Variants in GNAS observed in about 807,000 individuals in gnomAD.
GNAS encodes GNAS complex locus.
A neutral mutation model predicts 54.5 loss-of-function variants in GNAS; 8 were observed. The observed-to-expected ratio is 0.15, with a 90% CI of 0.09 to 0.26. The LOEUF is 0.26. Among genes scored for constraint, GNAS ranks in the 10% least tolerant of loss-of-function variants. The pLI is 1.00. For synonymous variants in GNAS, 204 were observed against 191.4 expected, an observed-to-expected ratio of 1.07 and a Z score of -0.54; for missense variants, 170 against 529.8, an observed-to-expected ratio of 0.32 and a Z score of 6.67.
At position 58,909,745 on chromosome 20, in the gene GNAS, C is replaced by T. The variant is rs775536365; in HGVS notation, c.780C>T (p.Asp260=). The T allele has an allele frequency of 1.9e-6, 3 of 1,613,762 alleles. No homozygotes were observed. The highest frequency in any genetic ancestry group is 2.2e-5 in the South Asian group (2 of 91,088). The change falls in exon 10 of 13, where the codon GAC becomes GAT. Residue 260 remains aspartate, a synonymous_variant. Coordinates refer to ENST00000371085, the MANE Select transcript of GNAS (RefSeq NM_000516.7). The surrounding 1 kb of genome is among the most constrained non-coding windows in gnomAD (Gnocchi z 7.3). Reference sequence around the variant, plus strand: ...GCTACAACATGGTCATCCGGGAGGACAACCAGACCAACCGCCTGCAGGAGG... The same window carrying T: ...GCTACAACATGGTCATCCGGGAGGATAACCAGACCAACCGCCTGCAGGAGG... ...SSSYNMVIRE[D]NQTNRLQEAL...
intron 1 of GNAS, among the ~76,000 whole-genome samples, chr20:58,885,194 T>TG (rs1209188215): frequency 6.6e-6 from 1 of 152,168 alleles, no homozygotes; most frequent in Non-Finnish European, 1.5e-5. Flanking sequence ...ACTGATGGCC[T>TG]GGGGAATTGG....
In GNAS at chr20:58,873,146, G is replaced by C. The variant is rs2087577438; in HGVS notation, c.44-22466G>C. 6.6e-6 allele frequency among the ~76,000 whole-genome samples: 1 copy of C among 152,150 alleles called. No individual in the cohort carries two copies. Among genetic ancestry groups the C allele is most frequent in the Non-Finnish European group, 1.5e-5 (1 of 68,038 alleles). On this transcript the variant is annotated intron_variant, in intron 1 of 12. Coordinates refer to the GNAS transcript ENST00000306090. This position sits in a 1 kb window ranked among gnomAD's most constrained non-coding sequence, Gnocchi z 4.3. ...GACTTAGCAAAATGGCTGATTAGGG[G>C]CCAGTGTTGGGGAAAATAATTGCTG...
In GNAS at chr20:58,891,970, A is replaced by C. The variant is rs1176795787; in HGVS notation, c.139+105A>C. 4.0e-6 allele frequency: 3 copies of C among 748,722 alleles called. No individual in the cohort carries two copies. The African/African-American group carries it at 5.9e-5, about 15-fold the overall frequency. The allele number at this position is 748,722 out of a possible 1,614,324, so 46.4% of individuals were successfully genotyped here. On this transcript the variant is annotated intron_variant, in intron 1 of 12. Transcript: ENST00000371085. Reference sequence around the variant, plus strand: ...CCCCCGCCCCGGGCGCGCGCTCCCGAGCCCCCCGCCCGTTCGCGGGCTCTG... The same window carrying C: ...CCCCCGCCCCGGGCGCGCGCTCCCGCGCCCCCCGCCCGTTCGCGGGCTCTG...
intron 2 of GNAS, 115 bp downstream of exon 2, chr20:58,895,799 T>C (rs1005700136): frequency 1.4e-6 from 1 of 731,154 alleles, no homozygotes; most frequent in Middle Eastern, 2.3e-4. Context: ...ACTTAATTTT[T>C]CCTGATTTAC....
intron 6 of GNAS, among the ~76,000 whole-genome samples, chr20:58,907,183 G>A (rs909080358): frequency 6.6e-6 from 1 of 152,102 alleles, no homozygotes; most frequent in South Asian, 2.1e-4. Flanking sequence ...TAGGGTCTGC[G>A]CAATCTATCA....
intron 1 of GNAS, among the ~76,000 whole-genome samples, chr20:58,883,420 G>A (rs531482354): frequency 2.6e-4 from 39 of 152,278 alleles, no homozygotes; most frequent in South Asian, 1.5e-3. Context: ...AGTATTGGGC[G>A]GCGTGACAGA....
chr20:58,909,095 G>A lies in GNAS; in HGVS notation c.531-67G>A. ...TCCGTTGAGCCTGACCTTGTAGAGA[G>A]ACACAAATAGTTGGCAAATTGATGT... On this transcript the variant is annotated intron_variant, in intron 6 of 12. Transcript: ENST00000371085. This position sits in a 1 kb window ranked among gnomAD's most constrained non-coding sequence, Gnocchi z 7.3. 1.5e-6 allele frequency: 2 copies of A among 1,339,022 alleles called. No individual in the cohort carries two copies. Among genetic ancestry groups the A allele is most frequent in the Non-Finnish European group, 2.2e-6 (2 of 929,342 alleles). 82.9% of individuals were successfully genotyped at this position (1,339,022 alleles called of 1,614,324 possible). A position where few individuals can be genotyped will look rare whatever the true frequency, so the allele number is the denominator to read the frequency against.
rs2086518111 is a variant in GNAS, at chr20:58,856,477, G to A, written c.43+15591G>A. On this transcript the variant is annotated intron_variant, in intron 1 of 12. Transcript: ENST00000306090. The surrounding 1 kb of genome is among the most constrained non-coding windows in gnomAD (Gnocchi z 4.2). The stretch of plus-strand genomic sequence containing the variant: ...GGAGGGGCTTGGTTTAAAAAGATGG[G>A]GGTTATGTGTTGTGAGTGGAATGTC... 6.6e-6 allele frequency: 1 copy of A among 152,600 alleles called. No individual in the cohort carries two copies. Among genetic ancestry groups the A allele is most frequent in the Non-Finnish European group, 1.5e-5 (1 of 68,048 alleles). 9.5% of individuals were successfully genotyped at this position (152,600 alleles called of 1,614,324 possible). A position where few individuals can be genotyped will look rare whatever the true frequency, so the allele number is the denominator to read the frequency against.
chr20:58,891,968 C>T, intron 1 of GNAS, 103 bp downstream of exon 1: 10 of 775,992 alleles, frequency 1.3e-5, no homozygotes, highest in Non-Finnish European at 1.6e-5. Context: ...CGCGCGCTCC[C>T]GAGCCCCCCG....
intron 1 of GNAS, chr20:58,892,296 C>A: frequency 2.0e-6 from 1 of 497,350 alleles, no homozygotes; most frequent in Non-Finnish European, 2.5e-6. Context: ...AACCGGGTGG[C>A]GGGTAGAGGG....
Position 58,903,666 on chromosome 20 carries a change from T to C in GNAS, c.313-6T>C. On this transcript the variant is annotated splice_region_variant and splice_polypyrimidine_tract_variant and intron_variant, in intron 4 of 12. Coordinates refer to ENST00000371085, the MANE Select transcript of GNAS (RefSeq NM_000516.7). ...TTCCCTGACCGCTTTGCTAAATCAT[T>C]TTCAGACCATTGTGGCCGCCATGAG... 1 of 1,614,078 alleles carries C rather than the reference T, an allele frequency of 6.2e-7. No individual in the cohort carries two copies. The highest frequency in any genetic ancestry group is 8.5e-7 in the Non-Finnish European group (1 of 1,180,000).
At chr20:58,854,895 C>T (rs752002435) in intron 1 of GNAS, 1 of 1,593,728 alleles carries the variant, frequency 6.3e-7, no homozygotes, top group Non-Finnish European at 8.5e-7. Context: ...GCCTACTCCG[C>T]GGCCTACTCG....
chr20:58,903,612 G>C (rs2090835323), intron 4 of GNAS, 27 bp downstream of exon 4: 1 of 1,614,098 alleles, frequency 6.2e-7, no homozygotes, highest in Non-Finnish European at 8.5e-7. Context: ...TGTGCTGTCT[G>C]TCTTGTAGCG....
At chr20:58,850,859 C>A in intron 1 of GNAS, 1 of 398,904 alleles carries the variant, frequency 2.5e-6, no homozygotes, top group Non-Finnish European at 4.4e-6. Context: ...GGCTTCCAAC[C>A]ACCCCAGCAG....
chr20:58,882,195 A>G (rs1356545145), intron 1 of GNAS, among the ~76,000 whole-genome samples: 1 of 152,168 alleles, frequency 6.6e-6, no homozygotes, highest in East Asian at 1.9e-4. Context: ...CAGCCTCCCG[A>G]GTAGCTGGGA....
intron 1 of GNAS, among the ~76,000 whole-genome samples, chr20:58,893,281 A>G (rs1293287468): frequency 1.3e-5 from 2 of 152,210 alleles, no homozygotes; most frequent in African/African-American, 2.4e-5. Flanking sequence ...AAGGTTAACT[A>G]TAAGGAGATG....
At chr20:58,896,174 A>G (rs888015468) in intron 2 of GNAS, among the ~76,000 whole-genome samples, 1 of 152,224 alleles carries the variant, frequency 6.6e-6, no homozygotes, top group Admixed American at 6.5e-5. Context: ...TTGTTTCCAT[A>G]ATATTCTCAC....
rs780694738 is a variant in GNAS, at chr20:58,857,212, T to C, written c.43+16326T>C. 1 of 152,244 alleles carries C rather than the reference T, an allele frequency of 6.6e-6. No homozygotes were observed. Among genetic ancestry groups the C allele is most frequent in the African/African-American group, 2.4e-5 (1 of 41,454 alleles). 9.4% of individuals were successfully genotyped at this position (152,244 alleles called of 1,614,324 possible). The stretch of plus-strand genomic sequence containing the variant: ...GCATTATTGGCATATAACTGTGCTA[T>C]TGTGATGTGGCTCTCACAAATCACA... On this transcript the variant is annotated intron_variant, in intron 1 of 12. Coordinates refer to the GNAS transcript ENST00000306090. This position sits in a 1 kb window ranked among gnomAD's most constrained non-coding sequence, Gnocchi z 4.1.
At position 58,840,920 on chromosome 20, in the gene GNAS, G is replaced by A. The variant is rs1481917992; in HGVS notation, c.43+34G>A. The A allele has an allele frequency of 1.9e-6, 3 of 1,608,632 alleles. No homozygotes were observed. Among genetic ancestry groups the A allele is most frequent in the Admixed American group, 1.7e-5 (1 of 59,588 alleles). ...CCCACCGCTAAACTGGGGAGCCTGA[G>A]GGCGGTGTGGGAGCAGCGCAGGTGG... On this transcript the variant is annotated intron_variant, in intron 1 of 12. Transcript: ENST00000306090. This position sits in a 1 kb window ranked among gnomAD's most constrained non-coding sequence, Gnocchi z 6.0.
Sources: gnomAD v4.1 joint callset for allele counts (sites outside exome capture counted in the v4.1 genomes callset) on GRCh38, gnomAD v4.1.1 for gene constraint, Gnocchi (gnomAD v3.1) non-coding constraint, MANE v1.5 for transcripts, NCBI Gene and HGNC (gene_info 2026-07-23, HGNC 2026-07-21) for gene names.